Variants in WWOX observed in about 807,000 individuals in gnomAD.
WWOX encodes the protein WW domain containing oxidoreductase.
In WWOX, 69 loss-of-function variants were observed where a neutral mutation model predicts 46.2. The observed-to-expected ratio is 1.49, with a 90% CI of 1.23 to 1.82. The LOEUF is 1.82. WWOX is among the 40% of genes most tolerant of loss of function. The probability of loss-of-function intolerance (pLI) is 0.00; values close to 1 mark genes in which losing one functional copy is unlikely to be tolerated. For synonymous variants in WWOX, 359 were observed against 202.6 expected (o/e 1.77, Z -6.56); for missense variants, 919 against 542.6 (o/e 1.69, Z -6.89).
At chr16:79,175,048 A>C (rs943760943) in intron 8 of WWOX, among the ~76,000 whole-genome samples, 14 of 152,030 alleles carry the variant, frequency 9.2e-5, no homozygotes, top group African/African-American at 2.7e-4. Flanking sequence ...TCATTATCCC[A>C]CCAATCTCTG....
intron 6 of WWOX, among the ~76,000 whole-genome samples, chr16:78,418,976 A>G (rs2082863129): frequency 1.3e-5 from 2 of 152,094 alleles, no homozygotes; most frequent in South Asian, 4.1e-4. Flanking sequence ...AAAAGAATGG[A>G]AAAAAAAGAT....
intron 8 of WWOX, among the ~76,000 whole-genome samples, chr16:78,461,447 A>C (rs2083946543): frequency 6.6e-6 from 1 of 152,234 alleles, no homozygotes; most frequent in South Asian, 2.1e-4. Flanking sequence ...GGGCATGAGA[A>C]ACCCAGCCAA....
Position 78,221,590 on chromosome 16 carries a change from A to G in WWOX, c.516+57301A>G, listed in dbSNP as rs3751774. On this transcript the variant is annotated intron_variant, in intron 5 of 8. Transcript: ENST00000566780. ...AAAAAGAGAAGTAGATAAGAAAAAC[A>G]AATCACAATATTGAAGCAGGACCCG... Among the ~76,000 whole-genome samples the G allele has an allele frequency of 0.017, 2,519 of 152,306 alleles. 168 individuals are homozygous for G. The East Asian group carries it at 0.24, about 15-fold the overall frequency.
At chr16:78,733,310 C>G (rs1035390767) in intron 8 of WWOX, among the ~76,000 whole-genome samples, 1 of 151,870 alleles carries the variant, frequency 6.6e-6, no homozygotes, top group African/African-American at 2.4e-5. Context: ...AATAAATTAG[C>G]TGAGTGTGAT....
chr16:78,627,893 G>T (rs1275268123), intron 8 of WWOX, among the ~76,000 whole-genome samples: 2 of 152,224 alleles, frequency 1.3e-5, no homozygotes, highest in African/African-American at 2.4e-5. Context: ...GAATCCCGTG[G>T]ATTTGGCGTT....
At chr16:79,209,471 C>A (rs1160482613) in intron 8 of WWOX, among the ~76,000 whole-genome samples, 1 of 152,192 alleles carries the variant, frequency 6.6e-6, no homozygotes, top group Admixed American at 6.5e-5. Flanking sequence ...GCCAGTCTGT[C>A]ATGACGTTTG....
At chr16:78,593,996 A>G (rs1597320454) in intron 8 of WWOX, among the ~76,000 whole-genome samples, 1 of 152,160 alleles carries the variant, frequency 6.6e-6, no homozygotes, top group Admixed American at 6.5e-5. Context: ...TAGAAACACT[A>G]TTTAAGTCTC....
At chr16:78,149,576 A>G (rs961908499) in intron 4 of WWOX, among the ~76,000 whole-genome samples, 1 of 152,228 alleles carries the variant, frequency 6.6e-6, no homozygotes, top group Non-Finnish European at 1.5e-5. Context: ...ATGGGATTAC[A>G]CCGAAGGGAG....
At chr16:78,816,321 C>A (rs976994323) in intron 8 of WWOX, among the ~76,000 whole-genome samples, 2 of 151,994 alleles carry the variant, frequency 1.3e-5, no homozygotes, top group African/African-American at 4.8e-5. Flanking sequence ...TTCATTTTTT[C>A]CTGATATATC....
At chr16:79,037,814 A>G (rs1415635646) in intron 8 of WWOX, among the ~76,000 whole-genome samples, 1 of 151,826 alleles carries the variant, frequency 6.6e-6, no homozygotes, top group Non-Finnish European at 1.5e-5. Flanking sequence ...AGGTCAGGAG[A>G]TCTTTCTGCC....
chr16:78,290,609 A>G (rs2079844555), intron 5 of WWOX, among the ~76,000 whole-genome samples: 1 of 152,168 alleles, frequency 6.6e-6, no homozygotes, highest in South Asian at 2.1e-4. Flanking sequence ...TAAATTACAC[A>G]CATAATTCAA....
At chr16:78,871,733 G>A (rs1022519930) in intron 8 of WWOX, among the ~76,000 whole-genome samples, 1 of 152,154 alleles carries the variant, frequency 6.6e-6, no homozygotes, top group African/African-American at 2.4e-5. Context: ...CCAAGCAGCT[G>A]GGACTACAGG....
chr16:79,047,647 G>T (rs945561507), intron 8 of WWOX, among the ~76,000 whole-genome samples: 2 of 147,534 alleles, frequency 1.4e-5, no homozygotes, highest in African/African-American at 2.5e-5. Context: ...TCAGAACTGG[G>T]TGACTTTCTC....
At chr16:78,693,761 T>C (rs146781261) in intron 8 of WWOX, among the ~76,000 whole-genome samples, 35 of 152,252 alleles carry the variant, frequency 2.3e-4, no homozygotes, top group African/African-American at 8.4e-4. Flanking sequence ...GCTCTAAACA[T>C]GCGCAGCCCC....
At chr16:78,444,260 T>A (rs975488981) in intron 8 of WWOX, among the ~76,000 whole-genome samples, 1 of 152,324 alleles carries the variant, frequency 6.6e-6, no homozygotes, top group Admixed American at 6.5e-5. Flanking sequence ...TCTCTTTAGA[T>A]AATTGTGTGT....
At chr16:78,915,511 A>C (rs184286689) in intron 8 of WWOX, among the ~76,000 whole-genome samples, 1 of 152,198 alleles carries the variant, frequency 6.6e-6, no homozygotes, top group African/African-American at 2.4e-5. Context: ...AGAATGTCGC[A>C]TGCAGATCAA....
chr16:78,894,487 G>C (rs1384615299), intron 8 of WWOX, among the ~76,000 whole-genome samples: 1 of 152,180 alleles, frequency 6.6e-6, no homozygotes, highest in African/African-American at 2.4e-5. Flanking sequence ...CTACTGGTTG[G>C]AAACACAGGC....
At chr16:78,871,670 G>T (rs192949615) in intron 8 of WWOX, among the ~76,000 whole-genome samples, 6 of 152,184 alleles carry the variant, frequency 3.9e-5, no homozygotes, top group African/African-American at 1.4e-4. Context: ...TGCAATTTCA[G>T]CTCACTGCAA....
At chr16:79,080,151 G>A (rs1247419283) in intron 8 of WWOX, among the ~76,000 whole-genome samples, 1 of 152,170 alleles carries the variant, frequency 6.6e-6, no homozygotes, top group Admixed American at 6.5e-5. Flanking sequence ...CAAGGAGGAA[G>A]AGTGGGTGTG....
Sources: gnomAD v4.1 joint callset for allele counts (sites outside exome capture counted in the v4.1 genomes callset) on GRCh38, gnomAD v4.1.1 for gene constraint, MANE v1.5 for transcripts, NCBI Gene and HGNC (gene_info 2026-07-23, HGNC 2026-07-21) for gene names.